The following CASP10 variants were observed in gnomAD, a reference collection of about 807,000 sequenced individuals.
CASP10 encodes caspase 10, also known as caspase-10.
CASP10 carries 41 observed loss-of-function variants against 48.5 expected under a neutral mutation model. The observed-to-expected ratio is 0.85, with a 90% CI of 0.66 to 1.10. CASP10 has a LOEUF of 1.10. CASP10 is among the 50% of genes least tolerant of loss of function. The probability of loss-of-function intolerance (pLI) is 0.00; values close to 1 mark genes in which losing one functional copy is unlikely to be tolerated. For missense variants in CASP10, 614 were observed against 614.5 expected (o/e 1.00, Z 0.01); for synonymous variants, 232 against 238.4 (o/e 0.97, Z 0.25).
intron 2 of CASP10, 21 bp downstream of exon 2, chr2:201,186,145 G>C (rs752505651): frequency 5.2e-6 from 8 of 1,549,694 alleles, no homozygotes; most frequent in South Asian, 1.1e-5. Context: ...GTCTGTGGTG[G>C]AGATGGGAGG....
chr2:201,187,725 T>TC lies in CASP10; in HGVS notation c.368dup (p.Glu124ArgfsTer4). The TC allele has an allele frequency of 1.2e-6, 2 of 1,614,040 alleles. No homozygotes were observed. The highest frequency in any genetic ancestry group is 1.7e-6 in the Non-Finnish European group (2 of 1,179,942). On this transcript the variant is annotated frameshift_variant, in exon 3 of 10. Coordinates refer to ENST00000286186, the MANE Select transcript of CASP10 (RefSeq NM_032977.4). LOFTEE classifies it high-confidence loss of function. ...TCTTAGAAACCTGCTCTACGAACTG[T>TC]CAGAAGGCATTGACTCAGAGAACTT...
chr2:201,183,782 T>G (rs1944311448), intron 1 of CASP10, among the ~76,000 whole-genome samples: 1 of 152,228 alleles, frequency 6.6e-6, no homozygotes, highest in African/African-American at 2.4e-5. Flanking sequence ...GAAATTTGTA[T>G]TATCTATAGT....
At chr2:201,198,365 A>T (rs1944879390) in intron 5 of CASP10, among the ~76,000 whole-genome samples, 1 of 151,046 alleles carries the variant, frequency 6.6e-6, no homozygotes. Flanking sequence ...CTGGGATTAC[A>T]GGCGCGCATC....
At chr2:201,188,678 C>G (rs143840713) in intron 3 of CASP10, among the ~76,000 whole-genome samples, 4 of 152,132 alleles carry the variant, frequency 2.6e-5, no homozygotes, top group Non-Finnish European at 5.9e-5. Flanking sequence ...TCTGCATTTC[C>G]TGCAGACTGG....
intron 1 of CASP10, among the ~76,000 whole-genome samples, chr2:201,184,949 T>C (rs1944362024): frequency 1.3e-5 from 2 of 152,182 alleles, no homozygotes; most frequent in African/African-American, 4.8e-5. Flanking sequence ...GAGCAACTCT[T>C]GTCTAAAACC....
chr2:201,207,788 G>A (rs1283030744), intron 7 of CASP10, among the ~76,000 whole-genome samples: 1 of 151,594 alleles, frequency 6.6e-6, no homozygotes, highest in Non-Finnish European at 1.5e-5. Flanking sequence ...GGGGGTGTTG[G>A]TGGGCACCTG....
intron 7 of CASP10, among the ~76,000 whole-genome samples, chr2:201,206,652 C>T (rs550558795): frequency 1.2e-4 from 18 of 149,734 alleles, no homozygotes; most frequent in African/African-American, 2.9e-4. Flanking sequence ...ATAAAGATGG[C>T]GGTCTCACTG....
At position 201,209,295 on chromosome 2, in the gene CASP10, C is replaced by T; in HGVS notation, c.1148C>T (p.Ala383Val). 2 of 1,614,160 alleles carry T rather than the reference C, an allele frequency of 1.2e-6. No individual in the cohort carries two copies. The highest frequency in any genetic ancestry group is 1.7e-5 in the Admixed American group (1 of 60,022). Residue 383 changes from alanine to valine, a missense_variant, in exon 9 of 10, where the codon GCC (alanine) becomes GTC (valine). By Grantham distance (64) the Ala-to-Val change is moderately conservative (BLOSUM62 0). Coordinates refer to ENST00000286186, the MANE Select transcript of CASP10 (RefSeq NM_032977.4). ...PIREIMSHFT[A>V]LQCPRLAEKP... The stretch of plus-strand genomic sequence containing the variant: ...CGGGAGATCATGTCTCACTTCACAG[C>T]CCTGCAGTGCCCTAGACTGGCTGAA...
chr2:201,195,500 G>C (rs1333658967), intron 4 of CASP10, among the ~76,000 whole-genome samples: 4 of 151,922 alleles, frequency 2.6e-5, no homozygotes, highest in Admixed American at 2.0e-4. Context: ...AGTTCTAAGA[G>C]TTTGAGCCTA....
Position 201,218,000 on chromosome 2 carries a change from A to C in CASP10, c.*259A>C, listed in dbSNP as rs1576148133. On this transcript the variant is annotated 3_prime_UTR_variant, in exon 10 of 10. Transcript: ENST00000286186. ...GCAATCACGGCTCACTGTAGTCTCG[A>C]CCTCCCAGGCTCAAGCTGTCCTCCC... The C allele has an allele frequency of 2.0e-6, 2 of 976,210 alleles. No homozygotes were observed. Among genetic ancestry groups the C allele is most frequent in the Non-Finnish European group, 2.7e-6 (2 of 732,692 alleles). The allele number at this position is 976,210 out of a possible 1,614,324, so 60.5% of individuals were successfully genotyped here. A position where few individuals can be genotyped will look rare whatever the true frequency, so the allele number is the denominator to read the frequency against.
intron 4 of CASP10, among the ~76,000 whole-genome samples, chr2:201,193,970 G>C (rs986102834): frequency 3.3e-5 from 5 of 152,158 alleles, no homozygotes; most frequent in Admixed American, 6.6e-5. Flanking sequence ...TCTGTAAAAT[G>C]CATGTCTGGC....
At chr2:201,216,809 A>T (rs1303066448) in intron 9 of CASP10, among the ~76,000 whole-genome samples, 1 of 152,164 alleles carries the variant, frequency 6.6e-6, no homozygotes, top group Non-Finnish European at 1.5e-5. Flanking sequence ...TGATGGAGCC[A>T]CAATTTAAAA....
chr2:201,212,174 C>T (rs966710507), intron 9 of CASP10: 5 of 152,210 alleles, frequency 3.3e-5, no homozygotes, highest in Admixed American at 6.5e-5. Context: ...GTCTGGAACT[C>T]CTGATCTCAA....
At chr2:201,211,950 A>T (rs187443172) in intron 9 of CASP10, among the ~76,000 whole-genome samples, 2 of 151,506 alleles carry the variant, frequency 1.3e-5, no homozygotes, top group Non-Finnish European at 2.9e-5. Context: ...TGGGTTTTTT[A>T]TTTTTATTTT....
intron 6 of CASP10, among the ~76,000 whole-genome samples, chr2:201,205,277 T>G (rs6717389): frequency 0.059 from 8,817 of 150,610 alleles, 845 homozygotes; most frequent in African/African-American, 0.2. Flanking sequence ...TAGGCTGGAG[T>G]GCAGTGGTGT....
downstream of CASP10, among the ~76,000 whole-genome samples, chr2:201,225,408 C>T (rs1198637424): frequency 6.6e-6 from 1 of 152,172 alleles, no homozygotes; most frequent in Non-Finnish European, 1.5e-5. Flanking sequence ...AGACAGGTCT[C>T]GTTTCAAACC....
At chr2:201,202,929 G>A (rs560228105) in intron 5 of CASP10, among the ~76,000 whole-genome samples, 12 of 152,128 alleles carry the variant, frequency 7.9e-5, no homozygotes, top group African/African-American at 2.2e-4. Flanking sequence ...TCCCCACCTC[G>A]ATTGCCATTT....
rs775115555 is a variant in CASP10 at position 201,198,225 on chromosome 2, C to CT, written c.684+2293dup. On this transcript the variant is annotated intron_variant, in intron 5 of 9. Transcript: ENST00000286186. ...GTTTGTAGAAGTTTTATTTTTAATTCTTTTTTTTTTTTTTTTGAGACGGAG... is the reference window on the plus strand; with the variant it reads ...GTTTGTAGAAGTTTTATTTTTAATTCTTTTTTTTTTTTTTTTTGAGACGGAG... Among the ~76,000 whole-genome samples, 1,295 of 138,674 alleles carry CT rather than the reference C, an allele frequency of 9.3e-3. 5 individuals are homozygous for CT. Among genetic ancestry groups the CT allele is most frequent in the African/African-American group, 0.013 (505 of 37,976 alleles). The allele number at this position is 138,674 out of a possible 152,430, so 91.0% of individuals were successfully genotyped here.
At chr2:201,229,188 T>A (rs1945829995) in exon 10 of CASP10, 1 of 1,402,718 alleles carries the variant, frequency 7.1e-7, no homozygotes, top group African/African-American at 1.4e-5. Flanking sequence ...CACCTTGCGA[T>A]TCTGCAGCCA....
Sources: gnomAD v4.1 joint callset for allele counts (sites outside exome capture counted in the v4.1 genomes callset) on GRCh38, gnomAD v4.1.1 for gene constraint, MANE v1.5 for transcripts, NCBI Gene and HGNC (gene_info 2026-07-23, HGNC 2026-07-21) for gene names.